REL: variants seen among roughly 807,000 people sequenced by gnomAD.
REL encodes REL proto-oncogene, NF-kB subunit, also known as proto-oncogene c-Rel.
A neutral mutation model predicts 45.9 loss-of-function variants in REL; 15 were observed. That is an observed-to-expected ratio of 0.33 (90% CI 0.22 to 0.50). The LOEUF (loss-of-function observed/expected upper bound fraction) is 0.50, where lower values mean the gene tolerates loss of function less well. Among genes scored for constraint, REL ranks in the 20% least tolerant of loss-of-function variants. The pLI is 0.98. For synonymous variants in REL, 239 were observed against 242.1 expected (o/e 0.99, Z 0.12); for missense variants, 601 against 715.2 (o/e 0.84, Z 1.82).
In REL at chr2:60,923,417, G is replaced by A. The variant is rs1314823087; in HGVS notation, c.*882G>A. ...GGGAAGAAGTTTCCTTGGACCATTC[G>A]CCTTTCTTAGATGTCCTCACTCCCT... On this transcript the variant is annotated 3_prime_UTR_variant, in exon 10 of 10. Transcript: ENST00000394479. The A allele has an allele frequency of 8.7e-6, 2 of 231,172 alleles. No individual in the cohort carries two copies. The highest frequency in any genetic ancestry group is 6.1e-5 in the East Asian group (1 of 16,386). The allele number at this position is 231,172 out of a possible 1,614,324, so 14.3% of individuals were successfully genotyped here.
intron 5 of REL, among the ~76,000 whole-genome samples, chr2:60,917,530 G>GT (rs758484837): frequency 0.47 from 60,060 of 128,648 alleles, 15,777 homozygotes; most frequent in Middle Eastern, 0.64. Flanking sequence ...TTTTTTATTG[G>GT]TTTTTTTTTT....
intron 1 of REL, among the ~76,000 whole-genome samples, chr2:60,889,571 G>C (rs1174055630): frequency 2.0e-5 from 3 of 151,980 alleles, no homozygotes; most frequent in African/African-American, 7.3e-5. Flanking sequence ...CCATTAACTT[G>C]TCATTTAACA....
intron 4 of REL, among the ~76,000 whole-genome samples, chr2:60,914,372 T>C (rs113414820): frequency 1.2e-3 from 180 of 152,320 alleles, no homozygotes; most frequent in African/African-American, 4.2e-3. Flanking sequence ...TTTCCACACA[T>C]TGAGAAGATT....
intron 7 of REL, 151 bp downstream of exon 7, chr2:60,918,757 C>G (rs1052402734): frequency 9.4e-6 from 6 of 639,668 alleles, no homozygotes; most frequent in East Asian, 2.7e-5. Flanking sequence ...TCTTTATGCT[C>G]TTTGCATCTC....
intron 9 of REL, 45 bp downstream of exon 9, chr2:60,920,687 G>C (rs1674117332): frequency 8.5e-7 from 1 of 1,178,090 alleles, no homozygotes; most frequent in African/African-American, 1.5e-5. Flanking sequence ...AGAAAGACCA[G>C]TACTTTGCAC....
At chr2:60,918,079 A>T in intron 5 of REL, 112 bp from the exon 6 acceptor site, 2 of 642,452 alleles carry the variant, frequency 3.1e-6, no homozygotes. Context: ...TCATTTATCT[A>T]TACACTAAAA....
At chr2:60,884,738 T>A (rs979070997) in intron 1 of REL, among the ~76,000 whole-genome samples, 1 of 152,180 alleles carries the variant, frequency 6.6e-6, no homozygotes. Flanking sequence ...TTCTTCACAT[T>A]TTTCTTAGTA....
chr2:60,893,424 G>A (rs559928607), intron 2 of REL, among the ~76,000 whole-genome samples: 1 of 152,126 alleles, frequency 6.6e-6, no homozygotes, highest in African/African-American at 2.4e-5. Context: ...CTAATAAAAA[G>A]GAAATAAGGA....
intron 1 of REL, among the ~76,000 whole-genome samples, chr2:60,887,165 T>C (rs1360894176): frequency 6.6e-6 from 1 of 152,244 alleles, no homozygotes; most frequent in Non-Finnish European, 1.5e-5. Context: ...AGCACAGTAC[T>C]GAGGAAGGAG....
In REL at chr2:60,920,569, A is replaced by T; in HGVS notation, c.923-5A>T. ...TTTAATAATGGAAAAACTTTATCCT[A>T]ACAGTTAATTTTCCTGAGAGACCAA... On this transcript the variant is annotated splice_polypyrimidine_tract_variant and splice_region_variant and intron_variant, in intron 8 of 9. Transcript: ENST00000394479. 6.3e-7 allele frequency: 1 copy of T among 1,582,960 alleles called. No individual in the cohort carries two copies. Among genetic ancestry groups the T allele is most frequent in the African/African-American group, 1.3e-5 (1 of 74,246 alleles).
Position 60,926,829 on chromosome 2 carries a change from C to T in REL, c.*4294C>T. 1 of 227,654 alleles carries T rather than the reference C, an allele frequency of 4.4e-6. No homozygotes were observed. The highest frequency in any genetic ancestry group is 8.7e-6 in the Non-Finnish European group (1 of 114,448). The allele number at this position is 227,654 out of a possible 1,614,324, so 14.1% of individuals were successfully genotyped here. ...CTCTTGAATATGTCCCTTCTTAATTCCTGCTGCCTTCTTAGTAAAGGCCTT... is the reference window on the plus strand; with the variant it reads ...CTCTTGAATATGTCCCTTCTTAATTTCTGCTGCCTTCTTAGTAAAGGCCTT... On this transcript the variant is annotated 3_prime_UTR_variant, in exon 10 of 10. Coordinates refer to ENST00000394479, the MANE Select transcript of REL (RefSeq NM_001291746.2).
chr2:60,927,256 A>G lies in REL; in HGVS notation c.*4721A>G, dbSNP rs1674288770. ...TGACATGGGAGTTAGTAAAATGTAT[A>G]TGGAAATGATTTTTAAAGGGAAAGG... is the stretch of plus-strand genomic sequence containing the variant. On this transcript the variant is annotated 3_prime_UTR_variant, in exon 10 of 10. Coordinates refer to ENST00000394479, the MANE Select transcript of REL (RefSeq NM_001291746.2). The G allele has an allele frequency of 8.7e-6, 2 of 228,994 alleles. No homozygotes were observed. The highest frequency in any genetic ancestry group is 1.7e-5 in the Non-Finnish European group (2 of 115,228). 14.2% of individuals were successfully genotyped at this position (228,994 alleles called of 1,614,324 possible). A position where few individuals can be genotyped will look rare whatever the true frequency, so the allele number is the denominator to read the frequency against.
chr2:60,902,957 A>G (rs1673537726), intron 4 of REL, among the ~76,000 whole-genome samples: 1 of 152,190 alleles, frequency 6.6e-6, no homozygotes, highest in Non-Finnish European at 1.5e-5. Flanking sequence ...CTGAATATAC[A>G]CTGTGAGCTC....
Position 60,925,718 on chromosome 2 carries a change from A to G in REL, c.*3183A>G, listed in dbSNP as rs1216520033. On this transcript the variant is annotated 3_prime_UTR_variant, in exon 10 of 10. Transcript: ENST00000394479. ...GAGATTTTTTTTTTTTTTAATACAG[A>G]ATCTCATAGTTTTGGATTAATTAGC... 2 of 198,792 alleles carry G rather than the reference A, an allele frequency of 1.0e-5. No individual in the cohort carries two copies. Among genetic ancestry groups the G allele is most frequent in the Non-Finnish European group, 2.1e-5 (2 of 96,310 alleles). 12.3% of individuals were successfully genotyped at this position (198,792 alleles called of 1,614,324 possible). A position where few individuals can be genotyped will look rare whatever the true frequency, so the allele number is the denominator to read the frequency against.
rs747391156 is a variant in REL at position 60,918,519 on chromosome 2, C to A, written c.766C>A (p.Pro256Thr). The stretch of plus-strand genomic sequence containing the variant: ...ACCATATTGCAAAGCTATCACAGAA[C>A]CCGTAACAGTAAAAATGCAGTTGCG... ...TPPYCKAITEPVTVKMQLRRP... is the reference protein window; with the variant it reads ...TPPYCKAITETVTVKMQLRRP... The change falls in exon 7 of 10, where the codon CCC becomes ACC. Residue 256 changes from proline to threonine, a missense_variant. Coordinates refer to ENST00000394479, the MANE Select transcript of REL (RefSeq NM_001291746.2). 2 of 1,613,938 alleles carry A rather than the reference C, an allele frequency of 1.2e-6. No homozygotes were observed. The highest frequency in any genetic ancestry group is 1.7e-6 in the Non-Finnish European group (2 of 1,179,996).
chr2:60,924,715 C>T lies in REL; in HGVS notation c.*2180C>T. The T allele has an allele frequency of 4.7e-6, 1 of 210,796 alleles. No homozygotes were observed. Among genetic ancestry groups the T allele is most frequent in the East Asian group, 7.1e-5 (1 of 14,004 alleles). 13.1% of individuals were successfully genotyped at this position (210,796 alleles called of 1,614,324 possible). On this transcript the variant is annotated 3_prime_UTR_variant, in exon 10 of 10. Transcript: ENST00000394479. Reference sequence around the variant, plus strand: ...TCATTGCAACTTCCAGATTGAGTAACACTTATAACACATTTCCTTTTCAAA... The same window carrying T: ...TCATTGCAACTTCCAGATTGAGTAATACTTATAACACATTTCCTTTTCAAA...
At chr2:60,906,513 G>A (rs1397779323) in intron 4 of REL, among the ~76,000 whole-genome samples, 1 of 151,982 alleles carries the variant, frequency 6.6e-6, no homozygotes, top group African/African-American at 2.4e-5. Context: ...CTCAAATATG[G>A]CCTTTAAAGC....
At position 60,918,244 on chromosome 2, in the gene REL, A is replaced by T; in HGVS notation, c.589A>T (p.Ser197Cys). 1 of 1,610,452 alleles carries T rather than the reference A, an allele frequency of 6.2e-7. No homozygotes were observed. The highest frequency in any genetic ancestry group is 8.5e-7 in the Non-Finnish European group (1 of 1,177,652). Residue 197 changes from serine to cysteine, a missense_variant, in exon 6 of 10, where the codon AGT becomes TGT. Physicochemically the swap from Ser to Cys is moderately radical, Grantham distance 112. This residue lies in a region of REL where 241 missense variants were observed against 347.0 expected (regional missense o/e 0.69). Transcript: ENST00000394479. ...RICRVNKNCG[S>C]VRGGDEIFLL... Reference sequence around the variant, plus strand: ...TTGTCGTGTAAACAAGAATTGTGGAAGTGTCAGAGGAGGAGATGAAATATT... The same window carrying T: ...TTGTCGTGTAAACAAGAATTGTGGATGTGTCAGAGGAGGAGATGAAATATT...
In REL at chr2:60,896,974, T is replaced by A. The variant is rs1184184903; in HGVS notation, c.302+2429T>A. ...AACATGAAACATTTTGGGCAAGAAATCTATAGAAGTGATGCAGTATAACTC... is the reference window on the plus strand; with the variant it reads ...AACATGAAACATTTTGGGCAAGAAAACTATAGAAGTGATGCAGTATAACTC... On this transcript the variant is annotated intron_variant, in intron 3 of 9. Transcript: ENST00000394479. 2.0e-5 allele frequency among the ~76,000 whole-genome samples: 3 copies of A among 152,204 alleles called. No individual in the cohort carries two copies. The East Asian group carries it at 5.8e-4, about 29-fold the overall frequency.
Sources: gnomAD v4.1 joint callset for allele counts (sites outside exome capture counted in the v4.1 genomes callset) on GRCh38, gnomAD v4.1.1 for gene constraint, gnomAD v4.1.1 regional missense constraint, MANE v1.5 for transcripts, NCBI Gene and HGNC (gene_info 2026-07-23, HGNC 2026-07-21) for gene names.